The following KIF21A variants were observed in gnomAD, a reference collection of about 807,000 sequenced individuals.
KIF21A encodes the protein kinesin-like protein KIF21A.
Under a neutral mutation model 202.9 loss-of-function variants are expected in KIF21A, and 114 were observed. The ratio of observed to expected loss-of-function variants is 0.56; its 90% CI spans 0.48 to 0.66. The LOEUF is 0.66. Among genes scored for constraint, KIF21A ranks in the 30% least tolerant of loss-of-function variants. The pLI is 0.00. For synonymous variants in KIF21A, 667 were observed against 670.8 expected, an observed-to-expected ratio of 0.99 and a Z score of 0.09; for missense variants, 1,677 against 1,994.9, an observed-to-expected ratio of 0.84 and a Z score of 3.04.
chr12:39,420,476 C>A (rs1403519057), intron 1 of KIF21A, among the ~76,000 whole-genome samples: 1 of 152,004 alleles, frequency 6.6e-6, no homozygotes, highest in East Asian at 1.9e-4. Context: ...CTACGAAGAA[C>A]ACTAAGTTTA....
In KIF21A at chr12:39,325,848, A is replaced by G. The variant is rs1945845277; in HGVS notation, c.3447T>C (p.Pro1149=). 6.2e-7 allele frequency: 1 copy of G among 1,610,138 alleles called. No homozygotes were observed. Among genetic ancestry groups the G allele is most frequent in the African/African-American group, 1.3e-5 (1 of 74,832 alleles). ...TTTTAGTTCTCCTTACCTTGTTCTT[A>G]GGTTTCACTTCACCACAAAGCTTCA... The part of the protein sequence containing the change: ...DLMKLCGEVK[P]KNKARRRTTT... Residue 1149 remains proline (P), a synonymous_variant, in exon 26 of 38, where the codon CCT becomes CCC. Coordinates refer to ENST00000361418, the MANE Select transcript of KIF21A (RefSeq NM_001173464.2).
intron 15 of KIF21A, among the ~76,000 whole-genome samples, chr12:39,340,582 C>T (rs1947358534): frequency 1.3e-5 from 2 of 151,524 alleles, no homozygotes; most frequent in Non-Finnish European, 2.9e-5. Flanking sequence ...TAAAATGTCC[C>T]CAACATAAAT....
intron 22 of KIF21A, among the ~76,000 whole-genome samples, chr12:39,331,253 C>A (rs1946480315): frequency 6.6e-6 from 1 of 151,516 alleles, no homozygotes; most frequent in African/African-American, 2.4e-5. Flanking sequence ...TCACCTTCAA[C>A]ATTTGGGCAC....
At chr12:39,299,153 C>G (rs1438824266) in intron 37 of KIF21A, among the ~76,000 whole-genome samples, 1 of 151,910 alleles carries the variant, frequency 6.6e-6, no homozygotes, top group Admixed American at 6.6e-5. Flanking sequence ...GCAAAAGAAA[C>G]TATCAATAGA....
chr12:39,310,535 A>T (rs1338364504), intron 32 of KIF21A, among the ~76,000 whole-genome samples: 1 of 152,028 alleles, frequency 6.6e-6, no homozygotes, highest in Non-Finnish European at 1.5e-5. Flanking sequence ...TTCTAGCCTC[A>T]ATGACCAGCA....
chr12:39,424,745 C>T (rs1286516963), intron 1 of KIF21A, among the ~76,000 whole-genome samples: 1 of 152,146 alleles, frequency 6.6e-6, no homozygotes, highest in African/African-American at 2.4e-5. Context: ...CCCAAGCCAC[C>T]TTTATGTCAC....
At chr12:39,355,707 T>TATATATATATATATATATATATA (rs1948718369) in intron 10 of KIF21A, among the ~76,000 whole-genome samples, 1 of 101,240 alleles carries the variant, frequency 9.9e-6, no homozygotes, top group African/African-American at 4.9e-5. Flanking sequence ...GCATGAACAA[T>TATATATATATATATATATATATA]TATATATATA....
intron 16 of KIF21A, chr12:39,337,498 C>A (rs556757874): frequency 4.1e-5 from 14 of 338,242 alleles, no homozygotes; most frequent in Admixed American, 1.4e-4. Context: ...TGACCTTGAT[C>A]GAATTACTTT....
chr12:39,442,989 T>C lies in KIF21A; in HGVS notation c.-19A>G, dbSNP rs139423015. 2,558 of 1,518,006 alleles carry C rather than the reference T, an allele frequency of 1.7e-3. 60 individuals carry two copies. In the East Asian group the frequency reaches 0.055, roughly 33 times the overall value. The allele number at this position is 1,518,006 out of a possible 1,614,324, so 94.0% of individuals were successfully genotyped here. On this transcript the variant is annotated 5_prime_UTR_variant, in exon 1 of 38. Transcript: ENST00000361418. This position sits in a 1 kb window ranked among gnomAD's most constrained non-coding sequence, Gnocchi z 5.0. Reference sequence around the variant, plus strand: ...CCAACATGCTGGCGGCGGGCAGCGATCGAGCCGTTGGGCCTCGGCACCGCA... The same window carrying C: ...CCAACATGCTGGCGGCGGGCAGCGACCGAGCCGTTGGGCCTCGGCACCGCA...
chr12:39,363,878 C>T (rs1330913839), intron 6 of KIF21A, among the ~76,000 whole-genome samples: 2 of 152,104 alleles, frequency 1.3e-5, no homozygotes, highest in African/African-American at 2.4e-5. Context: ...ATCAGCTAAG[C>T]GTGGTGGTGT....
intron 28 of KIF21A, 94 bp downstream of exon 28, chr12:39,319,812 C>T: frequency 1.2e-6 from 1 of 856,640 alleles, no homozygotes; most frequent in Non-Finnish European, 1.9e-6. Flanking sequence ...CAGCACCAGC[C>T]TAAATCTGGA....
In KIF21A at chr12:39,340,159, C is replaced by G. The variant is rs757651602; in HGVS notation, c.2310+6G>C. 3 of 1,605,148 alleles carry G rather than the reference C, an allele frequency of 1.9e-6. No homozygotes were observed. The highest frequency in any genetic ancestry group is 1.3e-5 in the African/African-American group (1 of 74,842). On this transcript the variant is annotated splice_donor_region_variant and intron_variant, in intron 16 of 37. Transcript: ENST00000361418. The stretch of plus-strand genomic sequence containing the variant: ...TCAAACGTTAATGGAAAAAAATAAT[C>G]AATACCTTTGTTTTTTTCATTTCCA...
intron 3 of KIF21A, among the ~76,000 whole-genome samples, chr12:39,369,328 T>A (rs1237445373): frequency 2.0e-5 from 3 of 151,938 alleles, no homozygotes; most frequent in African/African-American, 7.3e-5. Context: ...GGTGTGGTGG[T>A]GCATGCCTGT....
At chr12:39,433,186 TGATTTTGA>T (rs1347677356) in intron 1 of KIF21A, among the ~76,000 whole-genome samples, 3 of 152,106 alleles carry the variant, frequency 2.0e-5, no homozygotes, top group African/African-American at 7.2e-5. Context: ...AATTATAAAC[TGATTTTGA>T]GATCATTAGA....
intron 1 of KIF21A, among the ~76,000 whole-genome samples, chr12:39,414,550 A>T (rs372383505): frequency 2.2e-4 from 34 of 152,330 alleles, no homozygotes; most frequent in African/African-American, 7.9e-4. Context: ...CTAGCTGTTG[A>T]CAATTAGGGA....
At position 39,367,146 on chromosome 12, in the gene KIF21A, A is replaced by G. The variant is rs960599502; in HGVS notation, c.619T>C (p.Leu207=). The G allele has an allele frequency of 1.2e-6, 2 of 1,613,866 alleles. No individual in the cohort carries two copies. The highest frequency in any genetic ancestry group is 2.7e-5 in the African/African-American group (2 of 74,910). The part of the protein sequence containing the change: ...TESEMMQCLK[L]GALSRTTAST... ...GCAGTTGTCCGGGATAAAGCACCCA[A>G]CTTCAAACACTGCATCATCTGAAAA... Residue 207 remains leucine, a synonymous_variant, in exon 5 of 38, where the codon TTG becomes CTG. Coordinates refer to ENST00000361418, the MANE Select transcript of KIF21A (RefSeq NM_001173464.2).
At chr12:39,371,134 G>A (rs1949926002) in intron 1 of KIF21A, among the ~76,000 whole-genome samples, 1 of 152,114 alleles carries the variant, frequency 6.6e-6, no homozygotes, top group Non-Finnish European at 1.5e-5. Context: ...TACATATCCA[G>A]TACAGATGTA....
chr12:39,419,200 AGGTGTAGTT>A (rs1181597890), intron 1 of KIF21A, among the ~76,000 whole-genome samples: 15 of 152,194 alleles, frequency 9.9e-5, no homozygotes, highest in African/African-American at 3.6e-4. Context: ...ACAAGTTCCT[AGGTGTAGTT>A]CTAACAGTAG....
At chr12:39,356,494 C>A in intron 10 of KIF21A, 5 of 194,468 alleles carry the variant, frequency 2.6e-5, no homozygotes, top group Non-Finnish European at 4.1e-5. Flanking sequence ...GATCTATTCC[C>A]AACTGATGGG....
Sources: allele counts gnomAD v4.1 joint callset (sites outside exome capture counted in the v4.1 genomes callset), GRCh38; gene constraint gnomAD v4.1.1; non-coding constraint Gnocchi (gnomAD v3.1); transcripts MANE v1.5; gene names NCBI Gene and HGNC (gene_info 2026-07-23, HGNC 2026-07-21).